Variants in CDYL2 observed in about 807,000 individuals in gnomAD.
CDYL2 encodes the protein chromodomain Y like 2.
In CDYL2, 23 loss-of-function variants were observed where a neutral mutation model predicts 49.4. The observed-to-expected ratio is 0.47, with a 90% confidence interval of 0.34 to 0.66. CDYL2 has a LOEUF of 0.66. Ranked by LOEUF, CDYL2 falls within the 30% of genes least tolerant of loss-of-function variation. CDYL2 has a pLI of 0.01. For synonymous variants in CDYL2, 360 were observed against 268.8 expected (o/e 1.34, Z -3.32); for missense variants, 678 against 656.4 (o/e 1.03, Z -0.36).
At chr16:80,737,988 G>A (rs1047169961) in intron 1 of CDYL2, among the ~76,000 whole-genome samples, 2 of 152,036 alleles carry the variant, frequency 1.3e-5, no homozygotes, top group African/African-American at 4.8e-5. Flanking sequence ...CATCTACATT[G>A]GGCATTTCTC....
At chr16:80,669,098 T>C (rs1335770879) in intron 2 of CDYL2, among the ~76,000 whole-genome samples, 1 of 152,092 alleles carries the variant, frequency 6.6e-6, no homozygotes, top group Admixed American at 6.5e-5. Context: ...ATTTGTCTCC[T>C]CTTTCTTGAA....
In CDYL2 at chr16:80,683,350, G is replaced by A. The variant is rs535614883; in HGVS notation, c.616+1188C>T. Among the ~76,000 whole-genome samples the A allele has an allele frequency of 1.6e-4, 25 of 152,322 alleles. No homozygotes were observed. In the South Asian group the frequency reaches 4.8e-3, roughly 29 times the overall value. On this transcript the variant is annotated intron_variant, in intron 2 of 6. Coordinates refer to ENST00000570137, the MANE Select transcript of CDYL2 (RefSeq NM_152342.4). ...GAGAAGTGAGGGACTGCACATAACT[G>A]GCACAAGCAGCTAACCTGAAAGACT... is the stretch of plus-strand genomic sequence containing the variant.
Position 80,729,597 on chromosome 16 carries a change from A to G in CDYL2, c.25-44468T>C, listed in dbSNP as rs993274042. Among the ~76,000 whole-genome samples the G allele has an allele frequency of 4.7e-4, 72 of 152,216 alleles. 1 individual carries two copies. Among genetic ancestry groups the G allele is most frequent in the African/African-American group, 1.7e-3 (69 of 41,538 alleles). Reference sequence around the variant, plus strand: ...AATTGAACTCAGCTCTGCACCAAGCAGACCTAATACACATCTACAGAAATC... The same window carrying G: ...AATTGAACTCAGCTCTGCACCAAGCGGACCTAATACACATCTACAGAAATC... On this transcript the variant is annotated intron_variant, in intron 1 of 6. Coordinates refer to ENST00000570137, the MANE Select transcript of CDYL2 (RefSeq NM_152342.4).
At chr16:80,777,915 T>C (rs1320542310) in intron 1 of CDYL2, among the ~76,000 whole-genome samples, 2 of 152,006 alleles carry the variant, frequency 1.3e-5, no homozygotes, top group Non-Finnish European at 2.9e-5. Context: ...AATACTAAAA[T>C]TCTAAACACT....
intron 4 of CDYL2, among the ~76,000 whole-genome samples, chr16:80,613,352 C>G (rs1328900642): frequency 6.6e-6 from 1 of 152,120 alleles, no homozygotes; most frequent in Non-Finnish European, 1.5e-5. Flanking sequence ...TGCATTTTAG[C>G]TCAATGATTA....
At chr16:80,738,909 T>G (rs1232594603) in intron 1 of CDYL2, among the ~76,000 whole-genome samples, 2 of 152,184 alleles carry the variant, frequency 1.3e-5, no homozygotes, top group Non-Finnish European at 1.5e-5. Context: ...TAGGAACAAC[T>G]TTGTAAAAAA....
intron 1 of CDYL2, among the ~76,000 whole-genome samples, chr16:80,741,358 G>A (rs1260965809): frequency 6.6e-6 from 1 of 151,326 alleles, no homozygotes; most frequent in East Asian, 1.9e-4. Flanking sequence ...AAAAAAAAAT[G>A]CACACACACA....
chr16:80,670,648 C>T (rs563977628), intron 2 of CDYL2, among the ~76,000 whole-genome samples: 36 of 152,272 alleles, frequency 2.4e-4, no homozygotes, highest in African/African-American at 8.2e-4. Context: ...AACCCCGGGG[C>T]TCCGTGGACG....
chr16:80,619,766 C>T (rs544647679), intron 4 of CDYL2, among the ~76,000 whole-genome samples: 83 of 152,320 alleles, frequency 5.4e-4, no homozygotes, highest in African/African-American at 1.9e-3. Context: ...ACGGGTATTT[C>T]GGAGCAGGGG....
At chr16:80,720,707 G>C (rs73595126) in intron 1 of CDYL2, among the ~76,000 whole-genome samples, 3,630 of 152,280 alleles carry the variant, frequency 0.024, 156 homozygotes, top group African/African-American at 0.084. Flanking sequence ...GTATAAATGA[G>C]TGTAGGCAGC....
chr16:80,740,811 G>A (rs1905707305), intron 1 of CDYL2, among the ~76,000 whole-genome samples: 1 of 150,126 alleles, frequency 6.7e-6, no homozygotes, highest in Non-Finnish European at 1.5e-5. Context: ...AGGATTAAAT[G>A]AAGCAATCCA....
intron 3 of CDYL2, among the ~76,000 whole-genome samples, chr16:80,631,734 G>C (rs989665700): frequency 6.6e-6 from 1 of 152,126 alleles, no homozygotes; most frequent in Non-Finnish European, 1.5e-5. Context: ...TTTAAAAATA[G>C]GCAAAGGATG....
intron 1 of CDYL2, among the ~76,000 whole-genome samples, chr16:80,748,750 C>T (rs1415315524): frequency 6.6e-6 from 1 of 152,056 alleles, no homozygotes; most frequent in Non-Finnish European, 1.5e-5. Flanking sequence ...CAACCTCATC[C>T]TCATCTCTAC....
intron 3 of CDYL2, among the ~76,000 whole-genome samples, chr16:80,629,884 A>C (rs1907476356): frequency 6.6e-6 from 1 of 152,204 alleles, no homozygotes; most frequent in African/African-American, 2.4e-5. Context: ...GGGAACATTT[A>C]TTACATACCT....
Position 80,773,992 on chromosome 16 carries a change from T to A in CDYL2, c.24+30158A>T, listed in dbSNP as rs374566826. Among the ~76,000 whole-genome samples the A allele has an allele frequency of 4.3e-4, 66 of 152,238 alleles. No homozygotes were observed. In the Middle Eastern group the frequency reaches 0.01, roughly 24 times the overall value. On this transcript the variant is annotated intron_variant, in intron 1 of 6. Coordinates refer to ENST00000570137, the MANE Select transcript of CDYL2 (RefSeq NM_152342.4). The stretch of plus-strand genomic sequence containing the variant: ...GAGAATATTAAGAACAACCTTTATG[T>A]ATATGGGAGCTCTGGGGTGCTGGCA...
At chr16:80,637,388 G>C (rs192235419) in intron 2 of CDYL2, among the ~76,000 whole-genome samples, 3 of 152,112 alleles carry the variant, frequency 2.0e-5, no homozygotes, top group Non-Finnish European at 4.4e-5. Flanking sequence ...ATCACACTGA[G>C]AGTCCTAGCG....
chr16:80,632,710 A>C (rs1166832498), intron 3 of CDYL2: 2 of 332,136 alleles, frequency 6.0e-6, no homozygotes, highest in East Asian at 1.1e-4. Flanking sequence ...TAGCTGGAAA[A>C]GCCCAAGATG....
At chr16:80,630,059 G>A (rs1907487909) in intron 3 of CDYL2, among the ~76,000 whole-genome samples, 1 of 152,206 alleles carries the variant, frequency 6.6e-6, no homozygotes, top group African/African-American at 2.4e-5. Context: ...AGGTCTGCTA[G>A]ACTAAAACCT....
At chr16:80,610,059 G>A (rs1330385829) in intron 5 of CDYL2, among the ~76,000 whole-genome samples, 1 of 152,122 alleles carries the variant, frequency 6.6e-6, no homozygotes, top group Non-Finnish European at 1.5e-5. Context: ...AGTGCAGAAG[G>A]GGTAGCAAAA....
Sources: gnomAD v4.1 joint callset for allele counts (sites outside exome capture counted in the v4.1 genomes callset) on GRCh38, gnomAD v4.1.1 for gene constraint, MANE v1.5 for transcripts, NCBI Gene and HGNC (gene_info 2026-07-23, HGNC 2026-07-21) for gene names.